Variants in PCDH7 observed in about 807,000 individuals in gnomAD.
PCDH7 encodes the protein protocadherin 7, also known as protocadherin-7.
A neutral mutation model predicts 58.9 loss-of-function variants in PCDH7; 17 were observed. The observed-to-expected ratio is 0.29, with a 90% CI of 0.20 to 0.43. The LOEUF (loss-of-function observed/expected upper bound fraction) is 0.43. PCDH7 is among the 20% of genes least tolerant of loss of function. PCDH7 has a pLI of 1.00. For synonymous variants in PCDH7, 664 were observed against 616.4 expected (o/e 1.08, Z -1.14); for missense variants, 1,274 against 1,441.0 (o/e 0.88, Z 1.88).
intron 1 of PCDH7, among the ~76,000 whole-genome samples, chr4:30,811,209 G>A (rs1726948263): frequency 6.6e-6 from 1 of 152,300 alleles, no homozygotes. Context: ...CTCTGGGATG[G>A]CAGTCAGTGG....
chr4:31,118,973 A>G (rs1717325434), intron 3 of PCDH7, among the ~76,000 whole-genome samples: 1 of 152,114 alleles, frequency 6.6e-6, no homozygotes, highest in Non-Finnish European at 1.5e-5. Context: ...ACTTTTTGAG[A>G]TTAAAGGTAG....
intron 3 of PCDH7, among the ~76,000 whole-genome samples, chr4:31,090,810 T>G (rs1174305288): frequency 6.6e-6 from 1 of 152,098 alleles, no homozygotes; most frequent in Non-Finnish European, 1.5e-5. Context: ...CTAAAATGTA[T>G]TGACTAATGC....
Position 30,722,500 on chromosome 4 carries a change from C to G in PCDH7, c.1078C>G (p.Leu360Val). Reference sequence around the variant, plus strand: ...CGAGTCGGTGAGGCGGCTGCTGCGCCTTGACGAGACGTCCGGCTGGCTCAG... The same window carrying G: ...CGAGTCGGTGAGGCGGCTGCTGCGCGTTGACGAGACGTCCGGCTGGCTCAG... Residue 360 changes from leucine (L) to valine (V), a missense_variant, in exon 1 of 2, where the codon CTT (leucine) becomes GTT (valine). This residue lies in a region of PCDH7 where 331 missense variants were observed against 303.2 expected (regional missense o/e 1.09). Coordinates refer to ENST00000361762, the Ensembl canonical transcript of PCDH7. This position sits in a 1 kb window ranked among gnomAD's most constrained non-coding sequence, Gnocchi z 7.6. The G allele has an allele frequency of 6.2e-7, 1 of 1,609,856 alleles. No homozygotes were observed. The highest frequency in any genetic ancestry group is 8.5e-7 in the Non-Finnish European group (1 of 1,178,570).
intron 1 of PCDH7, among the ~76,000 whole-genome samples, chr4:30,881,435 T>C (rs11935856): frequency 0.087 from 13,311 of 152,194 alleles, 743 homozygotes; most frequent in Non-Finnish European, 0.12. Context: ...CAAGAACAAC[T>C]GCTCACATCT....
At chr4:31,099,096 A>G (rs758756063) in intron 3 of PCDH7, among the ~76,000 whole-genome samples, 1 of 152,154 alleles carries the variant, frequency 6.6e-6, no homozygotes, top group African/African-American at 2.4e-5. Flanking sequence ...TCAACATAGG[A>G]ATTTTGAGGT....
chr4:31,098,063 C>G (rs1441422414), intron 3 of PCDH7, among the ~76,000 whole-genome samples: 2 of 152,150 alleles, frequency 1.3e-5, no homozygotes, highest in African/African-American at 4.8e-5. Flanking sequence ...CCTTCGTATA[C>G]TTCTGTTTAG....
intron 3 of PCDH7, among the ~76,000 whole-genome samples, chr4:31,136,368 C>G (rs888760883): frequency 3.3e-5 from 5 of 152,164 alleles, no homozygotes; most frequent in Non-Finnish European, 5.9e-5. Flanking sequence ...AGAAGTCACA[C>G]AGCTTCTACG....
intron 1 of PCDH7, among the ~76,000 whole-genome samples, chr4:30,809,779 G>A (rs767145901): frequency 2.0e-5 from 3 of 151,870 alleles, no homozygotes; most frequent in Non-Finnish European, 4.4e-5. Context: ...TTTTACTTTC[G>A]ACGCCCTAGT....
intron 3 of PCDH7, among the ~76,000 whole-genome samples, chr4:31,138,853 A>C (rs1010410474): frequency 2.0e-5 from 3 of 151,850 alleles, no homozygotes; most frequent in Admixed American, 2.0e-4. Context: ...GTGCGCGCCT[A>C]TAACTGTAGC....
intron 3 of PCDH7, among the ~76,000 whole-genome samples, chr4:30,984,249 T>G (rs1156994177): frequency 6.6e-6 from 1 of 152,204 alleles, no homozygotes; most frequent in African/African-American, 2.4e-5. Flanking sequence ...AACTAGAGAC[T>G]GCTGAAACAG....
intron 3 of PCDH7, among the ~76,000 whole-genome samples, chr4:31,074,468 A>G (rs1263337822): frequency 6.6e-6 from 1 of 151,994 alleles, no homozygotes; most frequent in African/African-American, 2.4e-5. Flanking sequence ...CCTCTACATT[A>G]TGCAAAGACA....
intron 3 of PCDH7, among the ~76,000 whole-genome samples, chr4:31,137,244 C>T (rs1331052740): frequency 6.6e-6 from 1 of 152,156 alleles, no homozygotes; most frequent in African/African-American, 2.4e-5. Context: ...AAAGTTCCTG[C>T]ATGTGGTTTT....
chr4:30,723,349 G>T lies in PCDH7; in HGVS notation c.1927G>T (p.Val643Phe), dbSNP rs1577532809. The T allele has an allele frequency of 6.2e-6, 10 of 1,614,232 alleles. No individual in the cohort carries two copies. In the East Asian group the frequency reaches 2.0e-4, roughly 32 times the overall value. Residue 643 changes from valine to phenylalanine, a missense_variant, in exon 1 of 2, where the codon GTC (valine) becomes TTC (phenylalanine). Around this residue, in one of 3 missense-constraint regions of PCDH7, gnomAD observed 731 missense variants for 881.9 expected, o/e 0.83. Coordinates refer to ENST00000361762, the Ensembl canonical transcript of PCDH7. This position sits in a 1 kb window ranked among gnomAD's most constrained non-coding sequence, Gnocchi z 4.6. Reference sequence around the variant, plus strand: ...CAATGACCCTAAGTTTATGCAGGACGTCTTCACCTTTTATGTGAAAGAAAA... The same window carrying T: ...CAATGACCCTAAGTTTATGCAGGACTTCTTCACCTTTTATGTGAAAGAAAA...
intron 1 of PCDH7, among the ~76,000 whole-genome samples, chr4:30,824,119 CT>C (rs1194814006): frequency 1.4e-5 from 2 of 144,258 alleles, no homozygotes; most frequent in Non-Finnish European, 3.0e-5. Flanking sequence ...TTCTTTCTTT[CT>C]TTCTTTCTTT....
intron 3 of PCDH7, among the ~76,000 whole-genome samples, chr4:30,989,039 T>C (rs930039793): frequency 1.3e-5 from 2 of 152,204 alleles, no homozygotes; most frequent in African/African-American, 4.8e-5. Context: ...AAATATTTGT[T>C]GTAGATGATT....
At chr4:30,892,200 T>C (rs1177930856) in intron 1 of PCDH7, among the ~76,000 whole-genome samples, 1 of 152,104 alleles carries the variant, frequency 6.6e-6, no homozygotes, top group African/African-American at 2.4e-5. Flanking sequence ...ATTACTGATA[T>C]AATTTATTAT....
downstream of PCDH7, among the ~76,000 whole-genome samples, chr4:30,737,536 ATG>A (rs67912867): frequency 0.45 from 67,362 of 150,930 alleles, 15,678 homozygotes; most frequent in Middle Eastern, 0.53. Context: ...ATGTATACAT[ATG>A]TGTGTGTGTG....
At chr4:30,906,478 G>A (rs1740942817) in intron 1 of PCDH7, among the ~76,000 whole-genome samples, 1 of 152,030 alleles carries the variant, frequency 6.6e-6, no homozygotes, top group East Asian at 1.9e-4. Context: ...GTAGCAATTG[G>A]TAAAAACAAT....
intron 1 of PCDH7, among the ~76,000 whole-genome samples, chr4:30,869,814 G>A (rs1735326842): frequency 6.6e-6 from 1 of 152,096 alleles, no homozygotes; most frequent in Non-Finnish European, 1.5e-5. Context: ...TGGGATTGCT[G>A]GGTCAAACAG....
Sources: gnomAD v4.1 joint callset for allele counts (sites outside exome capture counted in the v4.1 genomes callset) on GRCh38, gnomAD v4.1.1 for gene constraint, gnomAD v4.1.1 regional missense constraint, Gnocchi (gnomAD v3.1) non-coding constraint, MANE v1.5 for transcripts, NCBI Gene and HGNC (gene_info 2026-07-23, HGNC 2026-07-21) for gene names.